The following DOP1B variants were observed in gnomAD, a reference collection of about 807,000 sequenced individuals.
DOP1B encodes protein DOP1B.
A neutral mutation model predicts 233.5 loss-of-function variants in DOP1B; 174 were observed. That is an observed-to-expected ratio of 0.75 (90% CI 0.66 to 0.85). DOP1B has a LOEUF of 0.85. DOP1B is among the 40% of genes least tolerant of loss of function. DOP1B has a pLI of 0.00. For synonymous variants in DOP1B, 1,190 were observed against 1,185.6 expected, an observed-to-expected ratio of 1.00 and a Z score of -0.08; for missense variants, 2,652 against 2,846.6, an observed-to-expected ratio of 0.93 and a Z score of 1.56.
intron 2 of DOP1B, among the ~76,000 whole-genome samples, chr21:36,183,225 G>T (rs945247096): frequency 1.3e-5 from 2 of 152,158 alleles, no homozygotes; most frequent in Non-Finnish European, 2.9e-5. Context: ...CCTGACTTCT[G>T]TCCAGTAGAT....
chr21:36,189,017 A>G (rs778587290), intron 2 of DOP1B, among the ~76,000 whole-genome samples: 18 of 152,176 alleles, frequency 1.2e-4, no homozygotes, highest in Non-Finnish European at 2.2e-4. Context: ...AACCATTTTT[A>G]AGCATATTAA....
At chr21:36,290,019 A>G (rs947946916) in intron 35 of DOP1B, among the ~76,000 whole-genome samples, 3 of 152,194 alleles carry the variant, frequency 2.0e-5, no homozygotes, top group African/African-American at 7.2e-5. Flanking sequence ...TACACCACCA[A>G]GAGTGAACCC....
At chr21:36,275,581 T>G (rs1601473829) in intron 27 of DOP1B, among the ~76,000 whole-genome samples, 1 of 149,614 alleles carries the variant, frequency 6.7e-6, no homozygotes, top group South Asian at 2.1e-4. Context: ...ATTGCACCAC[T>G]GTACTCCAGC....
chr21:36,202,465 G>A lies in DOP1B; in HGVS notation c.491+1964G>A, dbSNP rs2284630. On this transcript the variant is annotated intron_variant, in intron 4 of 36. Transcript: ENST00000691173. The stretch of plus-strand genomic sequence containing the variant: ...CAGGTCACCCTTTCCTGTGGTGTCA[G>A]CTGTGACTGAGGGGTGCAGGAGGCT... Among the ~76,000 whole-genome samples, 55 of 152,284 alleles carry A rather than the reference G, an allele frequency of 3.6e-4. 2 individuals are homozygous for A. The East Asian group carries it at 0.01, about 29-fold the overall frequency.
rs7278340 is a variant in DOP1B at position 36,239,950 on chromosome 21, C to G, written c.3062C>G (p.Ser1021Trp). The G allele has an allele frequency of 1.8e-4, 293 of 1,608,368 alleles. No homozygotes were observed. The African/African-American group carries it at 3.5e-3, about 19-fold the overall frequency. ...TSIHCLKQEN[S>W]ADDLHRWFNR... The stretch of plus-strand genomic sequence containing the variant: ...ATCCACTGCCTCAAGCAGGAGAACT[C>G]GGCCGGTGAGCAGCCTGCACAGGAC... The change falls in exon 18 of 37, where the codon TCG becomes TGG. Residue 1021 changes from serine (S) to tryptophan (W), a missense_variant. Ser to Trp is a radical substitution (Grantham distance 177). Around this residue, in one of 3 missense-constraint regions of DOP1B, gnomAD observed 2,617 missense variants for 2,794.3 expected, o/e 0.94. Transcript: ENST00000691173.
chr21:36,266,516 G>T (rs2067232263), intron 26 of DOP1B, among the ~76,000 whole-genome samples: 1 of 152,188 alleles, frequency 6.6e-6, no homozygotes, highest in East Asian at 1.9e-4. Flanking sequence ...TACAGATGAA[G>T]CGATGATCAG....
chr21:36,287,416 A>G (rs1460459231), intron 32 of DOP1B, among the ~76,000 whole-genome samples: 2 of 151,898 alleles, frequency 1.3e-5, no homozygotes, highest in Non-Finnish European at 2.9e-5. Flanking sequence ...TTGGTCATCC[A>G]GTGGATTTCT....
intron 36 of DOP1B, among the ~76,000 whole-genome samples, chr21:36,292,766 C>A (rs1170019771): frequency 2.6e-5 from 4 of 152,002 alleles, no homozygotes; most frequent in South Asian, 4.1e-4. Flanking sequence ...CACATGCCAC[C>A]ACTCTTGGGG....
chr21:36,205,522 G>A (rs2066416923), intron 4 of DOP1B, among the ~76,000 whole-genome samples: 1 of 152,026 alleles, frequency 6.6e-6, no homozygotes, highest in South Asian at 2.1e-4. Context: ...ACGAGAAGCT[G>A]GGATTACAGG....
Position 36,219,463 on chromosome 21 carries a change from C to G in DOP1B, c.1221C>G (p.Ser407Arg). The stretch of plus-strand genomic sequence containing the variant: ...CCCTTGGCTCTGATCTTAAACTTAG[C>G]TACACCCAGAGTGGAAATTCGCTGA... ...RDALGSDLKL[S>R]YTQSGNSLIS... Residue 407 changes from serine (S) to arginine (R), a missense_variant, in exon 10 of 37, where the codon AGC becomes AGG. This residue lies in a region of DOP1B where 2,617 missense variants were observed against 2,794.3 expected (regional missense o/e 0.94). Coordinates refer to ENST00000691173, the MANE Select transcript of DOP1B (RefSeq NM_001320714.2). The G allele has an allele frequency of 6.2e-7, 1 of 1,614,162 alleles. No individual in the cohort carries two copies. Among genetic ancestry groups the G allele is most frequent in the Non-Finnish European group, 8.5e-7 (1 of 1,180,030 alleles).
In DOP1B at chr21:36,245,025, A is replaced by G; in HGVS notation, c.3068-23A>G. 6.3e-7 allele frequency: 1 copy of G among 1,576,356 alleles called. No individual in the cohort carries two copies. ...ATAGCTGACCCTTCTGTCTAAAGTCATTTGTCATCTTGTAATTTTCAGATG... is the reference window on the plus strand; with the variant it reads ...ATAGCTGACCCTTCTGTCTAAAGTCGTTTGTCATCTTGTAATTTTCAGATG... On this transcript the variant is annotated intron_variant, in intron 18 of 36. Transcript: ENST00000691173. This position sits in a 1 kb window ranked among gnomAD's most constrained non-coding sequence, Gnocchi z 5.5.
chr21:36,230,363 G>C (rs2066745585), intron 13 of DOP1B, 87 bp from the exon 14 acceptor site: 6 of 1,433,178 alleles, frequency 4.2e-6, no homozygotes, highest in East Asian at 2.4e-5. Context: ...TTGAAAAACA[G>C]AATTGAAATA....
intron 28 of DOP1B, 24 bp from the exon 29 acceptor site, chr21:36,277,949 GTT>G: frequency 6.2e-7 from 1 of 1,604,208 alleles, no homozygotes; most frequent in Non-Finnish European, 8.5e-7. Flanking sequence ...GCCAGTTTCT[GTT>G]TTCTTAGGGC....
At chr21:36,263,446 C>T in intron 24 of DOP1B, 100 bp from the exon 25 acceptor site, 1 of 984,690 alleles carries the variant, frequency 1.0e-6, no homozygotes, top group Non-Finnish European at 1.6e-6. Context: ...ATGCTGTTTA[C>T]CCTTTGCTTT....
At chr21:36,186,742 C>G (rs1472304636) in intron 2 of DOP1B, among the ~76,000 whole-genome samples, 1 of 152,156 alleles carries the variant, frequency 6.6e-6, no homozygotes, top group Non-Finnish European at 1.5e-5. Flanking sequence ...TGCAGGCAGA[C>G]CTCTGAGCTC....
chr21:36,251,972 G>A (rs996301853), intron 22 of DOP1B, among the ~76,000 whole-genome samples: 8 of 152,060 alleles, frequency 5.3e-5, no homozygotes, highest in Admixed American at 1.3e-4. Context: ...AGGCCAAGAC[G>A]GGCAGATCGC....
At chr21:36,258,219 G>T (rs763046201) in intron 23 of DOP1B, among the ~76,000 whole-genome samples, 53 of 152,042 alleles carry the variant, frequency 3.5e-4, no homozygotes, top group Non-Finnish European at 7.2e-4. Context: ...AGACCAGCCT[G>T]GGCAACAAAG....
At position 36,230,798 on chromosome 21, in the gene DOP1B, G is replaced by A. The variant is rs1601430798; in HGVS notation, c.2014G>A (p.Ala672Thr). The A allele has an allele frequency of 6.2e-7, 1 of 1,614,038 alleles. No homozygotes were observed. Among genetic ancestry groups the A allele is most frequent in the Admixed American group, 1.7e-5 (1 of 59,998 alleles). ...KRDRDGTQSL[A>T]ANDSSRKNSW... ...GGACAGGGATGGGACGCAGAGCCTG[G>A]CAGCCAATGATTCCAGCAGGAAGAA... is the stretch of plus-strand genomic sequence containing the variant. The change falls in exon 14 of 37, where the codon GCA becomes ACA. Residue 672 changes from alanine to threonine, a missense_variant. By Grantham distance (58) the Ala-to-Thr change is moderately conservative. Transcript: ENST00000691173.
At chr21:36,222,713 G>A (rs2066640136) in intron 10 of DOP1B, among the ~76,000 whole-genome samples, 1 of 151,926 alleles carries the variant, frequency 6.6e-6, no homozygotes, top group Non-Finnish European at 1.5e-5. Context: ...TTTTACAGTA[G>A]CTCTGAAATT....
Sources: gnomAD v4.1 joint callset for allele counts (sites outside exome capture counted in the v4.1 genomes callset) on GRCh38, gnomAD v4.1.1 for gene constraint, gnomAD v4.1.1 regional missense constraint, Gnocchi (gnomAD v3.1) non-coding constraint, MANE v1.5 for transcripts, NCBI Gene and HGNC (gene_info 2026-07-23, HGNC 2026-07-21) for gene names.